Variants in PCDHGA4 observed in about 807,000 individuals in gnomAD.
PCDHGA4 encodes the protein protocadherin gamma subfamily A, 4.
A neutral mutation model predicts 54.6 loss-of-function variants in PCDHGA4; 38 were observed. The observed-to-expected ratio is 0.70, with a 90% CI of 0.54 to 0.91. The LOEUF (loss-of-function observed/expected upper bound fraction) is 0.91. PCDHGA4 is among the 40% of genes least tolerant of loss of function. The probability of loss-of-function intolerance (pLI) is 0.00; values close to 1 mark genes in which losing one functional copy is unlikely to be tolerated. For synonymous variants in PCDHGA4, 511 were observed against 512.9 expected, an observed-to-expected ratio of 1.00 and a Z score of 0.05; for missense variants, 1,298 against 1,220.9, an observed-to-expected ratio of 1.06 and a Z score of -0.94.
At chr5:141,472,408 G>T (rs780468341) in intron 1 of PCDHGA4, among the ~76,000 whole-genome samples, 1 of 152,064 alleles carries the variant, frequency 6.6e-6, no homozygotes, top group Non-Finnish European at 1.5e-5. Flanking sequence ...AGGCGTGGTG[G>T]CACGCACCTG....
intron 1 of PCDHGA4, among the ~76,000 whole-genome samples, chr5:141,482,804 G>T (rs1431490730): frequency 6.6e-6 from 1 of 152,194 alleles, no homozygotes; most frequent in East Asian, 1.9e-4. Flanking sequence ...GGGTACGGTG[G>T]CTCATGCCTG....
Position 141,427,970 on chromosome 5 carries a change from C to A in PCDHGA4, c.2515-66837C>A, listed in dbSNP as rs760792774. On this transcript the variant is annotated intron_variant, in intron 1 of 3. Coordinates refer to ENST00000571252, the MANE Select transcript of PCDHGA4 (RefSeq NM_018917.4). ...ATGACAATGTGCCGCGGGTGCTGTA[C>A]CCCGCGCTGGGGCCCGATGGCTCCG... 1.9e-6 allele frequency: 3 copies of A among 1,592,510 alleles called. No individual in the cohort carries two copies. The Admixed American group carries it at 5.0e-5, about 27-fold the overall frequency.
intron 1 of PCDHGA4, among the ~76,000 whole-genome samples, chr5:141,449,607 A>G (rs1279835785): frequency 1.3e-5 from 2 of 149,984 alleles, no homozygotes; most frequent in African/African-American, 4.9e-5. Flanking sequence ...AAAAAAAAAA[A>G]GTAAAAAAGT....
At chr5:141,421,892 T>C in intron 1 of PCDHGA4, 1 of 1,613,684 alleles carries the variant, frequency 6.2e-7, no homozygotes, top group Non-Finnish European at 8.5e-7. Context: ...GGCGATCCCA[T>C]CCGAAAGGGC....
intron 1 of PCDHGA4, among the ~76,000 whole-genome samples, chr5:141,482,811 C>T (rs1397161943): frequency 2.0e-5 from 3 of 152,164 alleles, no homozygotes; most frequent in Non-Finnish European, 4.4e-5. Context: ...GTGGCTCATG[C>T]CTGTAATCCT....
rs375882135 is a variant in PCDHGA4 at position 141,389,276 on chromosome 5, G to C, written c.2514+31655G>C. The C allele has an allele frequency of 7.9e-5, 128 of 1,613,976 alleles. No individual in the cohort carries two copies. In the Middle Eastern group the frequency reaches 1.8e-3, roughly 23 times the overall value. On this transcript the variant is annotated intron_variant, in intron 1 of 3. Coordinates refer to ENST00000571252, the MANE Select transcript of PCDHGA4 (RefSeq NM_018917.4). ...TAGTCCACGTGGCCGAGAACAACCC[G>C]CCTGGAGCCTCTATTTCACAAGTCA...
chr5:141,369,478 G>A lies in PCDHGA4; in HGVS notation c.2514+11857G>A, dbSNP rs139702118. 6.3e-3 allele frequency among the ~76,000 whole-genome samples: 955 copies of A among 152,098 alleles called. 15 individuals carry two copies. The highest frequency in any genetic ancestry group is 0.022 in the African/African-American group (913 of 41,484). ...AGCCAGGTGTTCTAGCCCAGCCTGG[G>A]CAACATAGTGAAACCCCACCTCTAT... is the stretch of plus-strand genomic sequence containing the variant. On this transcript the variant is annotated intron_variant, in intron 1 of 3. Coordinates refer to ENST00000571252, the MANE Select transcript of PCDHGA4 (RefSeq NM_018917.4).
intron 1 of PCDHGA4, among the ~76,000 whole-genome samples, chr5:141,492,437 C>T (rs182333697): frequency 8.5e-5 from 13 of 152,332 alleles, no homozygotes; most frequent in Admixed American, 8.5e-4. Flanking sequence ...CAGGAGTACT[C>T]GTAGCTGATT....
chr5:141,428,227 A>T (rs2154552643), intron 1 of PCDHGA4: 1 of 1,100,784 alleles, frequency 9.1e-7, no homozygotes, highest in Admixed American at 1.9e-5. Context: ...CTTCGCAGAC[A>T]GCCTGCAGGA....
intron 1 of PCDHGA4, chr5:141,427,265 C>A (rs767369457): frequency 6.6e-6 from 3 of 456,572 alleles, no homozygotes; most frequent in Non-Finnish European, 8.8e-6. Context: ...GCATGACCAG[C>A]GAATGTAAAA....
intron 1 of PCDHGA4, among the ~76,000 whole-genome samples, chr5:141,459,646 T>C (rs2098972004): frequency 6.6e-6 from 1 of 152,266 alleles, no homozygotes; most frequent in Non-Finnish European, 1.5e-5. Context: ...TTTTTCAAAA[T>C]GGTAATATCA....
intron 1 of PCDHGA4, among the ~76,000 whole-genome samples, chr5:141,488,398 A>T (rs2099675065): frequency 6.6e-6 from 1 of 152,192 alleles, no homozygotes; most frequent in African/African-American, 2.4e-5. Flanking sequence ...GAAACCATGA[A>T]ACCTAGAAGC....
intron 1 of PCDHGA4, chr5:141,390,892 G>A (rs1476434709): frequency 2.6e-5 from 4 of 152,470 alleles, no homozygotes; most frequent in East Asian, 3.8e-4. Context: ...GTGTGTGAGA[G>A]AGATCCTTTT....
At chr5:141,471,660 A>G (rs1010236543) in intron 1 of PCDHGA4, 12 of 152,184 alleles carry the variant, frequency 7.9e-5, no homozygotes, top group Non-Finnish European at 1.8e-4. Flanking sequence ...GTGGGGATGC[A>G]GAAAAAAATA....
rs1245735294 is a variant in PCDHGA4, at chr5:141,397,953, C to T, written c.2514+40332C>T. 6.2e-6 allele frequency: 6 copies of T among 961,992 alleles called. No homozygotes were observed. In the Admixed American group the frequency reaches 1.2e-4, roughly 19 times the overall value. The allele number at this position is 961,992 out of a possible 1,614,324, so 59.6% of individuals were successfully genotyped here. ...CCGCAGCGCGCTTTCCAGGGCAGCC[C>T]CAGCTCAGACTCCCCAGCGCCGGCC... On this transcript the variant is annotated intron_variant, in intron 1 of 3. Transcript: ENST00000571252.
chr5:141,499,493 A>G (rs1322531312), intron 2 of PCDHGA4, among the ~76,000 whole-genome samples: 1 of 152,222 alleles, frequency 6.6e-6, no homozygotes, highest in African/African-American at 2.4e-5. Context: ...CTACAGTTTA[A>G]TATGAAACAT....
At chr5:141,426,453 G>A (rs902416171) in intron 1 of PCDHGA4, 4 of 310,612 alleles carry the variant, frequency 1.3e-5, no homozygotes, top group African/African-American at 8.6e-5. Flanking sequence ...ACATGCGGCT[G>A]CATGTTCAGG....
At chr5:141,427,659 G>A (rs546743297) in intron 1 of PCDHGA4, 3 of 742,336 alleles carry the variant, frequency 4.0e-6, no homozygotes, top group East Asian at 5.3e-5. Context: ...CGTGGTCCAC[G>A]TGGCCGAAAA....
intron 1 of PCDHGA4, among the ~76,000 whole-genome samples, chr5:141,461,119 C>T (rs959427669): frequency 6.6e-6 from 1 of 152,016 alleles, no homozygotes; most frequent in Admixed American, 6.6e-5. Flanking sequence ...GTGTCTTTTT[C>T]ATATAATTAC....
Sources: allele counts gnomAD v4.1 joint callset (sites outside exome capture counted in the v4.1 genomes callset), GRCh38; gene constraint gnomAD v4.1.1; transcripts MANE v1.5; gene names NCBI Gene and HGNC (gene_info 2026-07-23, HGNC 2026-07-21).